KCNG4: variants seen among roughly 807,000 people sequenced by gnomAD.
KCNG4 encodes the protein potassium voltage-gated channel modifier subfamily G member 4.
A neutral mutation model predicts 28.2 loss-of-function variants in KCNG4; 30 were observed. The observed-to-expected ratio is 1.06, with a 90% CI of 0.80 to 1.44. KCNG4 has a LOEUF of 1.44. Among genes scored for constraint, KCNG4 ranks in the 40% most tolerant of loss-of-function variants. The pLI is 0.00. For missense variants in KCNG4, 879 were observed against 712.3 expected (o/e 1.23, Z -2.66); for synonymous variants, 375 against 315.5 (o/e 1.19, Z -2.00).
At chr16:84,232,004 CAAAA>C (rs11298495) in intron 2 of KCNG4, among the ~76,000 whole-genome samples, 4 of 100,072 alleles carry the variant, frequency 4.0e-5, no homozygotes, top group African/African-American at 3.9e-5. Flanking sequence ...AACTCCATCT[CAAAA>C]AAAAAAAAAA....
chr16:84,227,453 TGTGATCCTAGCTA>T (rs2151337278), intron 2 of KCNG4, among the ~76,000 whole-genome samples: 1 of 152,310 alleles, frequency 6.6e-6, no homozygotes, highest in African/African-American at 2.4e-5. Context: ...GGCAGGTGCC[TGTGATCCTAGCTA>T]CTCGGGAGGC....
intron 1 of KCNG4, among the ~76,000 whole-genome samples, chr16:84,239,412 G>A (rs995054724): frequency 2.0e-5 from 3 of 152,180 alleles, no homozygotes; most frequent in African/African-American, 4.8e-5. Context: ...CAGCAAATCC[G>A]AATCCAACCC....
In KCNG4 at chr16:84,231,569, T is replaced by G. The variant is rs143276006; in HGVS notation, c.756+5161A>C. Among the ~76,000 whole-genome samples, 17 of 152,156 alleles carry G rather than the reference T, an allele frequency of 1.1e-4. No homozygotes were observed. The East Asian group carries it at 2.1e-3, about 19-fold the overall frequency. On this transcript the variant is annotated intron_variant, in intron 2 of 2. Coordinates refer to ENST00000308251, the MANE Select transcript of KCNG4 (RefSeq NM_172347.3). Reference sequence around the variant, plus strand: ...AAACTGCAGCAAACAGACCAGGACATGAGGCTGCAGGTGCCCAGGGCTGGA... The same window carrying G: ...AAACTGCAGCAAACAGACCAGGACAGGAGGCTGCAGGTGCCCAGGGCTGGA...
intron 2 of KCNG4, among the ~76,000 whole-genome samples, chr16:84,231,376 C>G (rs1255296425): frequency 6.6e-6 from 1 of 152,084 alleles, no homozygotes; most frequent in Non-Finnish European, 1.5e-5. Context: ...GTCTTAGTAG[C>G]AGGAAAGAGG....
intron 2 of KCNG4, among the ~76,000 whole-genome samples, chr16:84,235,047 A>C (rs1904914697): frequency 1.3e-5 from 2 of 152,152 alleles, no homozygotes; most frequent in African/African-American, 4.8e-5. Context: ...TTGTCCCAGG[A>C]GGAGACGTGG....
At position 84,219,741 on chromosome 16, in the gene KCNG4, A is replaced by AT. The variant is rs922504894; in HGVS notation, c.*2475_*2476insA. 1 of 134,900 alleles carries AT rather than the reference A, an allele frequency of 7.4e-6. No homozygotes were observed. Among genetic ancestry groups the AT allele is most frequent in the Non-Finnish European group, 1.6e-5 (1 of 62,934 alleles). 8.4% of individuals were successfully genotyped at this position (134,900 alleles called of 1,614,324 possible). On this transcript the variant is annotated 3_prime_UTR_variant, in exon 3 of 3. Transcript: ENST00000308251. ...GACTCTGTCTCAAAAAAAAAAAAAA[A>AT]AAAAATGTTAGTCTGGGCCGGGTGC...
rs367898768 is a variant in KCNG4 at position 84,222,523 on chromosome 16, C to A, written c.1254G>T (p.Thr418=). ...SYWWAIISMT[T]VGYGDMVPRS... ...GGGGCACCATGTCCCCGTAGCCCAC[C>A]GTTGTCATGGAGATGATGGCCCACC... The change falls in exon 3 of 3, where the codon ACG becomes ACT. Residue 418 remains threonine (T), a synonymous_variant. Transcript: ENST00000308251. The A allele has an allele frequency of 6.2e-7, 1 of 1,613,454 alleles. No homozygotes were observed.
chr16:84,233,837 T>C (rs1255971144), intron 2 of KCNG4, among the ~76,000 whole-genome samples: 1 of 152,162 alleles, frequency 6.6e-6, no homozygotes, highest in African/African-American at 2.4e-5. Flanking sequence ...TGTGTAGTCA[T>C]AGGGGGTCGG....
At chr16:84,228,882 C>T (rs544676415) in intron 2 of KCNG4, among the ~76,000 whole-genome samples, 2 of 152,374 alleles carry the variant, frequency 1.3e-5, no homozygotes, top group East Asian at 1.9e-4. Context: ...AGTCCTCTCC[C>T]GCTGCTGCCC....
At chr16:84,239,094 C>T (rs765026976) in intron 1 of KCNG4, among the ~76,000 whole-genome samples, 1 of 152,190 alleles carries the variant, frequency 6.6e-6, no homozygotes, top group African/African-American at 2.4e-5. Context: ...TTTTCAGATG[C>T]ACTCCACTCC....
intron 1 of KCNG4, among the ~76,000 whole-genome samples, chr16:84,237,771 G>C (rs1905011353): frequency 6.6e-6 from 1 of 152,210 alleles, no homozygotes; most frequent in South Asian, 2.1e-4. Flanking sequence ...GATGTCTCCA[G>C]AATAGACGTT....
rs1567622797 is a variant in KCNG4, at chr16:84,221,636, C to A, written c.*581G>T. ...AAGGCTGATTCTGCCTTCTTAGCTA[C>A]AAGTGTTCAGAGCTGGCGGGAGGTA... On this transcript the variant is annotated 3_prime_UTR_variant, in exon 3 of 3. Coordinates refer to ENST00000308251, the MANE Select transcript of KCNG4 (RefSeq NM_172347.3). 6.5e-6 allele frequency: 1 copy of A among 152,734 alleles called. No individual in the cohort carries two copies. Among genetic ancestry groups the A allele is most frequent in the Non-Finnish European group, 1.5e-5 (1 of 68,448 alleles). The allele number at this position is 152,734 out of a possible 1,614,324, so 9.5% of individuals were successfully genotyped here.
chr16:84,223,075 G>A (rs1465275092), intron 2 of KCNG4, 55 bp from the exon 3 acceptor site: 4 of 1,370,268 alleles, frequency 2.9e-6, no homozygotes, highest in African/African-American at 1.5e-5. Context: ...CAACTGTGCT[G>A]GAAATCGGGG....
At position 84,222,917 on chromosome 16, in the gene KCNG4, T is replaced by C. The variant is rs1436927726; in HGVS notation, c.860A>G (p.Lys287Arg). The C allele has an allele frequency of 6.2e-6, 10 of 1,610,706 alleles. No homozygotes were observed. Among genetic ancestry groups the C allele is most frequent in the Non-Finnish European group, 7.6e-6 (9 of 1,177,846 alleles). Residue 287 changes from lysine to arginine, a missense_variant, in exon 3 of 3, where the codon AAG (lysine) becomes AGG (arginine). Lys to Arg is a conservative substitution (Grantham distance 26, BLOSUM62 2). Coordinates refer to ENST00000308251, the MANE Select transcript of KCNG4 (RefSeq NM_172347.3). ...FCLRFVQAQDKCQFFQGPLNI... is the reference protein window; with the variant it reads ...FCLRFVQAQDRCQFFQGPLNI... The stretch of plus-strand genomic sequence containing the variant: ...CAGGGGCCCCTGGAAGAACTGACAC[T>C]TGTCTTGGGCCTGGACAAACCGCAG...
intron 2 of KCNG4, among the ~76,000 whole-genome samples, chr16:84,225,187 A>T (rs1169067889): frequency 1.4e-5 from 2 of 147,410 alleles, no homozygotes; most frequent in Non-Finnish European, 3.0e-5. Context: ...TTACAGGAAG[A>T]TGAGGGGATT....
chr16:84,224,182 C>G (rs111918935), intron 2 of KCNG4, among the ~76,000 whole-genome samples: 24 of 152,252 alleles, frequency 1.6e-4, no homozygotes, highest in African/African-American at 5.3e-4. Context: ...GTGACTCATG[C>G]AAACTGAAGT....
At chr16:84,236,524 C>T in intron 2 of KCNG4, 1 of 710,188 alleles carries the variant, frequency 1.4e-6, no homozygotes, top group Non-Finnish European at 2.2e-6. Context: ...GCACTTTTGC[C>T]TTTGCAGGAC....
At position 84,221,625 on chromosome 16, in the gene KCNG4, C is replaced by T. The variant is rs941960930; in HGVS notation, c.*592G>A. On this transcript the variant is annotated 3_prime_UTR_variant, in exon 3 of 3. Coordinates refer to ENST00000308251, the MANE Select transcript of KCNG4 (RefSeq NM_172347.3). ...TTTACTGCAAAAAGGCTGATTCTGCCTTCTTAGCTACAAGTGTTCAGAGCT... is the reference window on the plus strand; with the variant it reads ...TTTACTGCAAAAAGGCTGATTCTGCTTTCTTAGCTACAAGTGTTCAGAGCT... 6.6e-6 allele frequency: 1 copy of T among 152,452 alleles called. No homozygotes were observed. Among genetic ancestry groups the T allele is most frequent in the Non-Finnish European group, 1.5e-5 (1 of 68,242 alleles). 9.4% of individuals were successfully genotyped at this position (152,452 alleles called of 1,614,324 possible).
chr16:84,233,539 C>T (rs922859363), intron 2 of KCNG4, among the ~76,000 whole-genome samples: 28 of 152,092 alleles, frequency 1.8e-4, no homozygotes, highest in Middle Eastern at 3.4e-3. Context: ...CCTGTCTTTA[C>T]AAAAAATACA....
Sources: allele counts gnomAD v4.1 joint callset (sites outside exome capture counted in the v4.1 genomes callset), GRCh38; gene constraint gnomAD v4.1.1; transcripts MANE v1.5; gene names NCBI Gene and HGNC (gene_info 2026-07-23, HGNC 2026-07-21).